The following GRIA1 variants were observed in gnomAD, a reference collection of about 807,000 sequenced individuals.
The protein encoded by GRIA1 is glutamate ionotropic receptor AMPA type subunit 1.
In GRIA1, 31 loss-of-function variants were observed where a neutral mutation model predicts 99.2. The observed-to-expected ratio is 0.31, with a 90% confidence interval of 0.23 to 0.42. The LOEUF is 0.42. Among genes scored for constraint, GRIA1 ranks in the 10% least tolerant of loss-of-function variants. The pLI, the probability that GRIA1 is intolerant of heterozygous loss-of-function variation, is 1.00. For missense variants in GRIA1, 782 were observed against 1,157.5 expected (o/e 0.68, Z 4.71); for synonymous variants, 438 against 432.4 (o/e 1.01, Z -0.16).
At chr5:153,661,801 T>A (rs1755391772) in intron 5 of GRIA1, among the ~76,000 whole-genome samples, 1 of 152,234 alleles carries the variant, frequency 6.6e-6, no homozygotes, top group Non-Finnish European at 1.5e-5. Context: ...ATGAATTTAG[T>A]TATGAATATG....
intron 8 of GRIA1, among the ~76,000 whole-genome samples, chr5:153,689,837 C>T (rs1023687927): frequency 1.3e-5 from 2 of 152,200 alleles, no homozygotes; most frequent in African/African-American, 2.4e-5. Flanking sequence ...CCACTGGGGC[C>T]TTCATCAATT....
chr5:153,588,887 T>C (rs1763725345), intron 2 of GRIA1, among the ~76,000 whole-genome samples: 1 of 152,168 alleles, frequency 6.6e-6, no homozygotes, highest in South Asian at 2.1e-4. Context: ...AGCTCCTTCC[T>C]TTCAGGTACT....
chr5:153,516,136 C>T (rs574555103), intron 2 of GRIA1, among the ~76,000 whole-genome samples: 1 of 152,276 alleles, frequency 6.6e-6, no homozygotes, highest in Non-Finnish European at 1.5e-5. Context: ...AGGAGAATCA[C>T]TTGAACCTGG....
intron 13 of GRIA1, among the ~76,000 whole-genome samples, chr5:153,776,746 G>A (rs998953728): frequency 6.6e-6 from 1 of 152,192 alleles, no homozygotes; most frequent in African/African-American, 2.4e-5. Flanking sequence ...GAAAAGGAGG[G>A]TGGTTAAGGC....
chr5:153,737,290 TA>T (rs35443126), intron 11 of GRIA1, among the ~76,000 whole-genome samples: 20,471 of 73,996 alleles, frequency 0.28, 1,833 homozygotes, highest in African/African-American at 0.37. Flanking sequence ...GCAACCCCGG[TA>T]AAAAAAAAAA....
In GRIA1 at chr5:153,686,330, G is replaced by GT; in HGVS notation, c.1134+2dup. 1 of 1,609,288 alleles carries GT rather than the reference G, an allele frequency of 6.2e-7. No homozygotes were observed. Among genetic ancestry groups the GT allele is most frequent in the Non-Finnish European group, 8.5e-7 (1 of 1,175,670 alleles). ...AATGAAACATGACGGCATCCGAAAG[G>GT]TAAGGTCCCCCTTTACTTCTGTTCT... On this transcript the variant is annotated splice_donor_variant, in intron 8 of 15. Transcript: ENST00000285900. LOFTEE classifies it high-confidence loss of function.
chr5:153,736,546 C>G (rs1263523052), intron 11 of GRIA1, among the ~76,000 whole-genome samples: 1 of 152,220 alleles, frequency 6.6e-6, no homozygotes, highest in Admixed American at 6.5e-5. Context: ...GGCTCAGCCT[C>G]TAGCCTTATG....
intron 11 of GRIA1, among the ~76,000 whole-genome samples, chr5:153,737,502 G>T (rs1415079901): frequency 6.6e-6 from 1 of 152,068 alleles, no homozygotes; most frequent in Admixed American, 6.6e-5. Flanking sequence ...TTGCCAGTCA[G>T]GATTTGCCAT....
chr5:153,703,839 C>T (rs1758699904), intron 10 of GRIA1, among the ~76,000 whole-genome samples: 1 of 152,208 alleles, frequency 6.6e-6, no homozygotes, highest in Non-Finnish European at 1.5e-5. Flanking sequence ...TCATTTACCC[C>T]TTTCAGAGCT....
At chr5:153,738,430 T>G (rs1761542470) in intron 11 of GRIA1, among the ~76,000 whole-genome samples, 1 of 152,100 alleles carries the variant, frequency 6.6e-6, no homozygotes, top group Non-Finnish European at 1.5e-5. Context: ...AGTTTCCCCA[T>G]TCATAAAATA....
intron 2 of GRIA1, among the ~76,000 whole-genome samples, chr5:153,606,633 A>G (rs952100406): frequency 3.3e-5 from 5 of 152,036 alleles, no homozygotes; most frequent in East Asian, 1.9e-4. Context: ...TAGGTATTCA[A>G]TGTTTTTTGA....
intron 2 of GRIA1, among the ~76,000 whole-genome samples, chr5:153,628,235 T>C (rs1186890005): frequency 6.6e-6 from 1 of 152,122 alleles, no homozygotes; most frequent in Non-Finnish European, 1.5e-5. Context: ...GAATGAGAGA[T>C]AGAGCAGTGA....
intron 2 of GRIA1, among the ~76,000 whole-genome samples, chr5:153,506,966 A>AGG (rs1169115242): frequency 1.3e-5 from 2 of 152,066 alleles, no homozygotes; most frequent in African/African-American, 4.8e-5. Flanking sequence ...CTACTAAAAA[A>AGG]TACAAAAAAT....
At position 153,732,804 on chromosome 5, in the gene GRIA1, T is replaced by C. The variant is rs562788292; in HGVS notation, c.1823+26737T>C. On this transcript the variant is annotated intron_variant, in intron 11 of 15. Coordinates refer to ENST00000285900, the MANE Select transcript of GRIA1 (RefSeq NM_000827.4). ...TTCAAAAAGTTATTGCCAAGACCAA[T>C]GTCAAAAAGCTTTTGCTCTATGTTT... Among the ~76,000 whole-genome samples, 77 of 152,158 alleles carry C rather than the reference T, an allele frequency of 5.1e-4. No homozygotes were observed. In the South Asian group the frequency reaches 0.011, roughly 21 times the overall value.
rs550547965 is a variant in GRIA1, at chr5:153,789,333, A to C, written c.2271-5288A>C. Among the ~76,000 whole-genome samples, 80 of 150,084 alleles carry C rather than the reference A, an allele frequency of 5.3e-4. 1 individual carries two copies. Among genetic ancestry groups the C allele is most frequent in the African/African-American group, 1.5e-3 (62 of 41,058 alleles). ...TTTGATATTACATATATATATATAT[A>C]TATCTCCTACATATATGATATAAAT... On this transcript the variant is annotated intron_variant, in intron 13 of 15. Coordinates refer to ENST00000285900, the MANE Select transcript of GRIA1 (RefSeq NM_000827.4).
chr5:153,568,416 A>T (rs1761837025), intron 2 of GRIA1, among the ~76,000 whole-genome samples: 1 of 152,204 alleles, frequency 6.6e-6, no homozygotes, highest in Non-Finnish European at 1.5e-5. Flanking sequence ...TCCCTAGTTA[A>T]TTAGTATGCA....
At chr5:153,642,118 T>C (rs1753813639) in intron 2 of GRIA1, among the ~76,000 whole-genome samples, 1 of 152,224 alleles carries the variant, frequency 6.6e-6, no homozygotes, top group African/African-American at 2.4e-5. Flanking sequence ...TAGATTCTAA[T>C]GTAGTAATGC....
At chr5:153,653,721 T>G (rs1754737668) in intron 4 of GRIA1, among the ~76,000 whole-genome samples, 1 of 152,188 alleles carries the variant, frequency 6.6e-6, no homozygotes, top group South Asian at 2.1e-4. Flanking sequence ...TTAACTCAAC[T>G]CAATGAGGGC....
At position 153,813,716 on chromosome 5, in the gene GRIA1, A is replaced by C. The variant is rs1173731399; in HGVS notation, c.*2491A>C. ...TTATTTAACATCTATATTTGTTTTA[A>C]CTCTCTTGGCAGATGTGTGAAAGGA... On this transcript the variant is annotated 3_prime_UTR_variant, in exon 16 of 16. Transcript: ENST00000285900. The C allele has an allele frequency of 1.3e-5, 2 of 152,050 alleles. No homozygotes were observed. Among genetic ancestry groups the C allele is most frequent in the Non-Finnish European group, 2.9e-5 (2 of 68,002 alleles). 9.4% of individuals were successfully genotyped at this position (152,050 alleles called of 1,614,324 possible). A position where few individuals can be genotyped will look rare whatever the true frequency, so the allele number is the denominator to read the frequency against.
Sources: gnomAD v4.1 joint callset for allele counts (sites outside exome capture counted in the v4.1 genomes callset) on GRCh38, gnomAD v4.1.1 for gene constraint, MANE v1.5 for transcripts, NCBI Gene and HGNC (gene_info 2026-07-23, HGNC 2026-07-21) for gene names.